CALN1: variants seen among roughly 807,000 people sequenced by gnomAD.
CALN1 encodes calneuron 1.
CALN1 carries 17 observed loss-of-function variants against 30.6 expected under a neutral mutation model. The ratio of observed to expected loss-of-function variants is 0.56; its 90% CI spans 0.38 to 0.83. The LOEUF (loss-of-function observed/expected upper bound fraction) is 0.83, where lower values mean the gene tolerates loss of function less well. CALN1 is among the 40% of genes least tolerant of loss of function. CALN1 has a pLI of 0.00. For missense variants in CALN1, 291 were observed against 354.9 expected (o/e 0.82, Z 1.45); for synonymous variants, 156 against 131.4 (o/e 1.19, Z -1.28).
intron 5 of CALN1, among the ~76,000 whole-genome samples, chr7:71,985,533 GTATT>G (rs1798618654): frequency 6.8e-6 from 1 of 147,232 alleles, no homozygotes; most frequent in Non-Finnish European, 1.5e-5. Flanking sequence ...CTAAAGATAT[GTATT>G]CCCAATAACA....
At chr7:72,086,552 G>T (rs183798736) in intron 4 of CALN1, among the ~76,000 whole-genome samples, 158 of 150,010 alleles carry the variant, frequency 1.1e-3, no homozygotes, top group African/African-American at 3.5e-3. Context: ...TCCCACCTCT[G>T]CCTCCCAAGT....
chr7:71,809,974 G>A (rs192309483), intron 6 of CALN1, among the ~76,000 whole-genome samples: 1 of 152,030 alleles, frequency 6.6e-6, no homozygotes, highest in African/African-American at 2.4e-5. Context: ...CAACGGACTC[G>A]ACCCAAGTTT....
chr7:72,051,448 T>C (rs1218243629), intron 4 of CALN1, among the ~76,000 whole-genome samples: 2 of 152,148 alleles, frequency 1.3e-5, no homozygotes, highest in African/African-American at 4.8e-5. Context: ...TTTCTAAAAC[T>C]GATAACCTAT....
chr7:72,151,914 T>C (rs1045157071), intron 3 of CALN1, among the ~76,000 whole-genome samples: 1 of 149,606 alleles, frequency 6.7e-6, no homozygotes, highest in African/African-American at 2.5e-5. Context: ...TCTTTTCTTT[T>C]TTTTTTTTTT....
intron 5 of CALN1, among the ~76,000 whole-genome samples, chr7:71,927,066 A>C (rs1181938582): frequency 6.6e-6 from 1 of 152,190 alleles, no homozygotes; most frequent in Non-Finnish European, 1.5e-5. Flanking sequence ...TTGCACATGA[A>C]CACTGTGAGG....
chr7:72,372,779 CA>C (rs1387767567), intron 2 of CALN1, among the ~76,000 whole-genome samples: 1 of 151,876 alleles, frequency 6.6e-6, no homozygotes, highest in Admixed American at 6.6e-5. Flanking sequence ...AAAATAAAAC[CA>C]AAAAAATTCT....
At chr7:72,006,182 A>G (rs924070535) in intron 5 of CALN1, among the ~76,000 whole-genome samples, 1 of 152,200 alleles carries the variant, frequency 6.6e-6, no homozygotes, top group African/African-American at 2.4e-5. Flanking sequence ...TGGGAAGTAA[A>G]TGGGGAAAGT....
intron 2 of CALN1, among the ~76,000 whole-genome samples, chr7:72,383,062 G>T (rs370811694): frequency 6.6e-6 from 1 of 152,116 alleles, no homozygotes; most frequent in Non-Finnish European, 1.5e-5. Context: ...CTGGGATTAC[G>T]GGCATGAGCC....
At chr7:72,393,561 G>A (rs547165518) in intron 2 of CALN1, among the ~76,000 whole-genome samples, 2 of 152,134 alleles carry the variant, frequency 1.3e-5, no homozygotes, top group Non-Finnish European at 2.9e-5. Flanking sequence ...CATAAAGCAA[G>A]GAGGACACTG....
intron 2 of CALN1, among the ~76,000 whole-genome samples, chr7:72,284,405 C>T (rs887647196): frequency 6.6e-6 from 1 of 152,110 alleles, no homozygotes; most frequent in Non-Finnish European, 1.5e-5. Flanking sequence ...CCATGGGTTG[C>T]CCAGATATTT....
chr7:71,883,831 C>T (rs114523802), intron 5 of CALN1, among the ~76,000 whole-genome samples: 1,636 of 152,230 alleles, frequency 0.011, 27 homozygotes, highest in African/African-American at 0.032. Context: ...CTTGTTTCAC[C>T]GCTGCCCAAG....
At chr7:71,947,467 C>T (rs1175493031) in intron 5 of CALN1, among the ~76,000 whole-genome samples, 5 of 152,146 alleles carry the variant, frequency 3.3e-5, no homozygotes, top group Non-Finnish European at 4.4e-5. Context: ...TGAGATCAGA[C>T]ATGGAAGCCA....
At chr7:72,353,254 GTC>G (rs61411577) in intron 2 of CALN1, among the ~76,000 whole-genome samples, 3 of 151,790 alleles carry the variant, frequency 2.0e-5, no homozygotes, top group Non-Finnish European at 4.4e-5. Context: ...TGAGGCTACT[GTC>G]TCTCTGTTAT....
At position 72,164,366 on chromosome 7, in the gene CALN1, AAAG is replaced by A. The variant is rs756452030; in HGVS notation, c.245-58075_245-58073del. 7.2e-3 allele frequency among the ~76,000 whole-genome samples: 649 copies of A among 90,266 alleles called. 28 individuals carry two copies. The highest frequency in any genetic ancestry group is 0.023 in the Middle Eastern group (4 of 172). The allele number at this position is 90,266 out of a possible 152,430, so 59.2% of individuals were successfully genotyped here. A position where few individuals can be genotyped will look rare whatever the true frequency, so the allele number is the denominator to read the frequency against. ...CACTCCGTCAAAAAAAAAAAAAAAA[AAAG>A]AAGAAGAAGAAGACAGAGACACATA... On this transcript the variant is annotated intron_variant, in intron 3 of 6. Transcript: ENST00000395275.
intron 1 of CALN1, among the ~76,000 whole-genome samples, chr7:72,435,117 C>T (rs149297335): frequency 5.1e-4 from 78 of 151,990 alleles, no homozygotes; most frequent in African/African-American, 1.9e-3. Context: ...TGCCTGTAGT[C>T]CTAGCTATTC....
At chr7:72,489,469 A>AGT in the CALN1 span, among the ~76,000 whole-genome samples, 1 of 152,174 alleles carries the variant, frequency 6.6e-6, no homozygotes, top group South Asian at 2.1e-4. Flanking sequence ...GATCAAGCCC[A>AGT]GGACAGTCTA....
At position 71,899,168 on chromosome 7, in the gene CALN1, G is replaced by A. The variant is rs554298261; in HGVS notation, c.502-88676C>T. Among the ~76,000 whole-genome samples the A allele has an allele frequency of 3.8e-4, 54 of 140,520 alleles. 1 individual carries two copies. In the East Asian group the frequency reaches 5.8e-3, roughly 15 times the overall value. 92.2% of individuals were successfully genotyped at this position (140,520 alleles called of 152,430 possible). A position where few individuals can be genotyped will look rare whatever the true frequency, so the allele number is the denominator to read the frequency against. ...ATCTTTTTTTTTTTTTTTTTGAGAC[G>A]GAGTTTCACTCGTCGCCCAGGCTGG... is the stretch of plus-strand genomic sequence containing the variant. On this transcript the variant is annotated intron_variant, in intron 5 of 6. Transcript: ENST00000395275.
intron 3 of CALN1, among the ~76,000 whole-genome samples, chr7:72,162,477 T>C (rs994430133): frequency 2.0e-5 from 3 of 152,122 alleles, no homozygotes; most frequent in African/African-American, 7.2e-5. Context: ...CTCATAGCTG[T>C]GGTCCTGGCA....
At chr7:71,979,898 G>C in intron 5 of CALN1, among the ~76,000 whole-genome samples, 1 of 96,524 alleles carries the variant, frequency 1.0e-5, no homozygotes, top group African/African-American at 4.1e-5. Flanking sequence ...TTTTTTTTGA[G>C]ACAGAGTCTC....
Sources: allele counts gnomAD v4.1 joint callset (sites outside exome capture counted in the v4.1 genomes callset), GRCh38; gene constraint gnomAD v4.1.1; transcripts MANE v1.5; gene names NCBI Gene and HGNC (gene_info 2026-07-23, HGNC 2026-07-21).